SLC25A29: variants seen among roughly 807,000 people sequenced by gnomAD.
The protein encoded by SLC25A29 is solute carrier family 25 member 29.
A neutral mutation model predicts 10.0 loss-of-function variants in SLC25A29; 13 were observed. The observed-to-expected ratio is 1.30, with a 90% CI of 0.85 to 2.07. The LOEUF (loss-of-function observed/expected upper bound fraction) is 2.07, where lower values mean the gene tolerates loss of function less well. SLC25A29 is among the 30% of genes most tolerant of loss of function. SLC25A29 has a pLI of 0.00. For synonymous variants in SLC25A29, 244 were observed against 221.1 expected (o/e 1.10, Z -0.92); for missense variants, 475 against 447.6 (o/e 1.06, Z -0.55).
chr14:100,284,523 A>T, the SLC25A29 span, among the ~76,000 whole-genome samples: 1 of 152,204 alleles, frequency 6.6e-6, no homozygotes. Context: ...CTCAGAGCCC[A>T]GTCCTGGCTT....
At chr14:100,288,382 C>A (rs1421802464), downstream of SLC25A29, among the ~76,000 whole-genome samples, 87 of 63,834 alleles carry the variant, frequency 1.4e-3, no homozygotes, top group African/African-American at 1.9e-3. Flanking sequence ...AACTCTATCT[C>A]AAAAAAAAAA....
the SLC25A29 span, among the ~76,000 whole-genome samples, chr14:100,283,670 T>C: frequency 0.94 from 142,867 of 151,724 alleles, 67,389 homozygotes; most frequent in East Asian, 1. Flanking sequence ...TTAGTAGAGA[T>C]GGGGGTTTCA....
chr14:100,293,296 T>C lies in SLC25A29; in HGVS notation c.160A>G (p.Ser54Gly). 1 of 1,613,024 alleles carries C rather than the reference T, an allele frequency of 6.2e-7. No homozygotes were observed. The highest frequency in any genetic ancestry group is 8.5e-7 in the Non-Finnish European group (1 of 1,179,922). ...HCFKSIIKQE[S>G]VLGLYKGLGS... Reference sequence around the variant, plus strand: ...CCCCACCAGCCCAGGCCACTCACGCTCTCTTGCTTGATGATGGACTTGAAG... The same window carrying C: ...CCCCACCAGCCCAGGCCACTCACGCCCTCTTGCTTGATGATGGACTTGAAG... The change falls in exon 3 of 4, where the codon AGC becomes GGC. Residue 54 changes from serine to glycine, a missense_variant and splice_region_variant. By Grantham distance (56) the Ser-to-Gly change is moderately conservative (BLOSUM62 0). Coordinates refer to ENST00000359232, the MANE Select transcript of SLC25A29 (RefSeq NM_001039355.3).
chr14:100,299,737 G>A (rs959344133), intron 1 of SLC25A29: 2 of 985,128 alleles, frequency 2.0e-6, no homozygotes, highest in African/African-American at 3.5e-5. Flanking sequence ...GGCTCAGTGA[G>A]GTCAGGTAAC....
intron 2 of SLC25A29, chr14:100,294,874 C>T (rs908105197): frequency 2.0e-5 from 3 of 152,340 alleles, no homozygotes; most frequent in Middle Eastern, 3.4e-3. Context: ...AAGATTGGCC[C>T]GAAGCACCCT....
At chr14:100,300,939 G>A (rs959054476) in intron 1 of SLC25A29, among the ~76,000 whole-genome samples, 4 of 151,138 alleles carry the variant, frequency 2.6e-5, no homozygotes, top group East Asian at 1.9e-4. Context: ...TCGCTCTGTC[G>A]CCCAGGCTGG....
chr14:100,293,478 C>T (rs964328911), intron 2 of SLC25A29, 101 bp from the exon 3 acceptor site: 9 of 1,017,382 alleles, frequency 8.8e-6, no homozygotes, highest in South Asian at 2.8e-5. Flanking sequence ...CCAAGGAGGC[C>T]GGGCACTCAG....
intron 1 of SLC25A29, among the ~76,000 whole-genome samples, chr14:100,302,350 A>G (rs1167420664): frequency 2.0e-5 from 3 of 147,460 alleles, no homozygotes; most frequent in Non-Finnish European, 4.5e-5. Flanking sequence ...TCGGCCCAAA[A>G]TCTATTTCTT....
downstream of SLC25A29, among the ~76,000 whole-genome samples, chr14:100,290,038 C>T (rs550991231): frequency 6.6e-6 from 1 of 152,200 alleles, no homozygotes; most frequent in Non-Finnish European, 1.5e-5. Flanking sequence ...AAGGGCTGGC[C>T]TGTCTGTGTG....
chr14:100,282,526 G>A, the SLC25A29 span: 1 of 152,154 alleles, frequency 6.6e-6, no homozygotes, highest in Admixed American at 6.5e-5. Context: ...TTCGCTTTCT[G>A]GTAACTTCTG....
chr14:100,292,199 A>G lies in SLC25A29; in HGVS notation c.*84T>C. The G allele has an allele frequency of 2.0e-6, 3 of 1,477,160 alleles. No homozygotes were observed. The highest frequency in any genetic ancestry group is 2.7e-6 in the Non-Finnish European group (3 of 1,097,804). 91.5% of individuals were successfully genotyped at this position (1,477,160 alleles called of 1,614,324 possible). ...ACTCCACAGCTCGCAGCATCCCAGC[A>G]GGAAGCAGGGCAATCGACTCAGGGG... On this transcript the variant is annotated 3_prime_UTR_variant, in exon 4 of 4. Transcript: ENST00000359232.
chr14:100,298,970 A>T, intron 1 of SLC25A29, 85 bp from the exon 2 acceptor site: 1 of 1,570,164 alleles, frequency 6.4e-7, no homozygotes, highest in Non-Finnish European at 8.7e-7. Flanking sequence ...CTGACAAGGA[A>T]GACTGGCAGG....
intron 1 of SLC25A29, chr14:100,299,456 C>T (rs2139756772): frequency 1.0e-6 from 1 of 988,948 alleles, no homozygotes; most frequent in Non-Finnish European, 1.2e-6. Flanking sequence ...GTGACGACCC[C>T]AGGTCCTGAT....
At chr14:100,291,068 G>A (rs1346536687), downstream of SLC25A29, 1 of 152,330 alleles carries the variant, frequency 6.6e-6, no homozygotes, top group Non-Finnish European at 1.5e-5. Flanking sequence ...GGGCAAGGGT[G>A]CTGAATGAAG....
chr14:100,289,564 C>G (rs1018709544), downstream of SLC25A29, among the ~76,000 whole-genome samples: 1 of 152,050 alleles, frequency 6.6e-6, no homozygotes, highest in South Asian at 2.1e-4. Flanking sequence ...AATCAGAGGC[C>G]GGGCGCAGTG....
the SLC25A29 span, among the ~76,000 whole-genome samples, chr14:100,283,851 C>G: frequency 6.6e-6 from 1 of 152,038 alleles, no homozygotes; most frequent in Non-Finnish European, 1.5e-5. Context: ...TTGCCGGTGT[C>G]TCTGCCTGGC....
downstream of SLC25A29, among the ~76,000 whole-genome samples, chr14:100,289,769 G>T (rs996513839): frequency 9.0e-5 from 13 of 144,184 alleles, no homozygotes; most frequent in Non-Finnish European, 4.5e-5. Flanking sequence ...TTGAACCCGG[G>T]AGGTAGAGGT....
At chr14:100,305,074 G>T (rs574446398) in intron 1 of SLC25A29, 24 of 152,308 alleles carry the variant, frequency 1.6e-4, no homozygotes, top group African/African-American at 4.6e-4. Flanking sequence ...AGCAAATTCT[G>T]GGCTTTGTGC....
the SLC25A29 span, chr14:100,278,774 CA>C: frequency 6.6e-6 from 1 of 152,290 alleles, no homozygotes; most frequent in African/African-American, 2.4e-5. Context: ...GTGAGTGAAG[CA>C]TCTGTACCAC....
Sources: gnomAD v4.1 joint callset for allele counts (sites outside exome capture counted in the v4.1 genomes callset) on GRCh38, gnomAD v4.1.1 for gene constraint, MANE v1.5 for transcripts, NCBI Gene and HGNC (gene_info 2026-07-23, HGNC 2026-07-21) for gene names.